PRKN: variants seen among roughly 807,000 people sequenced by gnomAD.
PRKN encodes E3 ubiquitin-protein ligase parkin.
PRKN carries 56 observed loss-of-function variants against 59.5 expected under a neutral mutation model. The ratio of observed to expected loss-of-function variants is 0.94; its 90% CI spans 0.76 to 1.18. The LOEUF (loss-of-function observed/expected upper bound fraction) is 1.18, where lower values mean the gene tolerates loss of function less well. Among genes scored for constraint, PRKN ranks in the 50% most tolerant of loss-of-function variants. The pLI is 0.00. For synonymous variants in PRKN, 250 were observed against 222.1 expected, an observed-to-expected ratio of 1.13 and a Z score of -1.12; for missense variants, 657 against 596.4, an observed-to-expected ratio of 1.10 and a Z score of -1.06.
intron 1 of PRKN, among the ~76,000 whole-genome samples, chr6:162,705,009 C>T (rs1778288450): frequency 6.6e-6 from 1 of 152,046 alleles, no homozygotes; most frequent in South Asian, 2.1e-4. Context: ...TTATATATTA[C>T]TTCGTAGGTA....
chr6:161,747,966 G>A (rs1489229966), intron 7 of PRKN, among the ~76,000 whole-genome samples: 1 of 152,144 alleles, frequency 6.6e-6, no homozygotes, highest in Non-Finnish European at 1.5e-5. Context: ...GGATTATGTG[G>A]ATTTATTTTT....
At position 162,611,282 on chromosome 6, in the gene PRKN, T is replaced by C. The variant is rs1050310814; in HGVS notation, c.7+116380A>G. On this transcript the variant is annotated intron_variant, in intron 1 of 11. Coordinates refer to ENST00000366898, the MANE Select transcript of PRKN (RefSeq NM_004562.3). ...TGAATGGATAAATTAAAGTAGCTTA[T>C]TGCTTTTCAAATATTTGGATGATAG... 7.2e-5 allele frequency among the ~76,000 whole-genome samples: 11 copies of C among 152,356 alleles called. No homozygotes were observed. The South Asian group carries it at 2.3e-3, about 32-fold the overall frequency.
intron 4 of PRKN, among the ~76,000 whole-genome samples, chr6:162,179,966 TA>T (rs1562562902): frequency 3.7e-5 from 4 of 108,062 alleles, no homozygotes; most frequent in Non-Finnish European, 5.5e-5. Context: ...GTTATCTTAT[TA>T]CTGTGTGTGT....
intron 5 of PRKN, among the ~76,000 whole-genome samples, chr6:162,034,707 A>T (rs1468677232): frequency 1.3e-5 from 2 of 152,224 alleles, no homozygotes; most frequent in African/African-American, 4.8e-5. Context: ...ACTTCATTCC[A>T]ATTGAAACCT....
intron 6 of PRKN, among the ~76,000 whole-genome samples, chr6:161,929,847 C>T (rs1477442191): frequency 6.6e-6 from 1 of 152,046 alleles, no homozygotes; most frequent in Non-Finnish European, 1.5e-5. Flanking sequence ...CAAAACACTT[C>T]CTAAAATTAT....
intron 1 of PRKN, among the ~76,000 whole-genome samples, chr6:162,658,625 C>A (rs1778749122): frequency 7.9e-6 from 1 of 126,344 alleles, no homozygotes; most frequent in Non-Finnish European, 1.6e-5. Context: ...AGTGCCATTG[C>A]ACTACAGCCT....
At chr6:162,061,321 T>TA (rs1456822121) in intron 4 of PRKN, among the ~76,000 whole-genome samples, 9 of 152,234 alleles carry the variant, frequency 5.9e-5, no homozygotes, top group Non-Finnish European at 8.8e-5. Context: ...CATAGAGAGT[T>TA]AAAAAAATGG....
intron 4 of PRKN, among the ~76,000 whole-genome samples, chr6:162,139,294 T>C (rs190710395): frequency 1.3e-5 from 2 of 152,338 alleles, no homozygotes; most frequent in Non-Finnish European, 2.9e-5. Flanking sequence ...TATCACCATC[T>C]TAAGTCCTTG....
chr6:162,286,669 G>A (rs1781207156), intron 2 of PRKN, among the ~76,000 whole-genome samples: 1 of 152,194 alleles, frequency 6.6e-6, no homozygotes, highest in Admixed American at 6.5e-5. Context: ...CTTTGAGAAA[G>A]ACCATGATAA....
chr6:161,608,968 C>A (rs960600006), intron 7 of PRKN, among the ~76,000 whole-genome samples: 1 of 152,164 alleles, frequency 6.6e-6, no homozygotes, highest in African/African-American at 2.4e-5. Context: ...ATTGCCTGCA[C>A]ATGCCCGTCA....
chr6:162,219,899 G>C (rs1307871034), intron 3 of PRKN, among the ~76,000 whole-genome samples: 3 of 152,104 alleles, frequency 2.0e-5, no homozygotes, highest in African/African-American at 7.2e-5. Context: ...TTGGCTCCAA[G>C]ACCTCCTATG....
At chr6:162,213,814 C>T (rs1583209156) in intron 3 of PRKN, among the ~76,000 whole-genome samples, 2 of 40,922 alleles carry the variant, frequency 4.9e-5, no homozygotes, top group East Asian at 0.014. Context: ...TACACACACA[C>T]ACACACACAC....
In PRKN at chr6:161,357,048, C is replaced by CTTTTT. The variant is rs35219002; in HGVS notation, c.1285+3035_1285+3039dup. ...CAGGTCCAGGTTCGCTGACCACTTCCTTTTTTTTTTTTTTTTTTTTTGAGA... is the reference window on the plus strand; with the variant it reads ...CAGGTCCAGGTTCGCTGACCACTTCCTTTTTTTTTTTTTTTTTTTTTTTTTTGAGA... On this transcript the variant is annotated intron_variant, in intron 11 of 11. Transcript: ENST00000366898. The surrounding 1 kb of genome is among the most constrained non-coding windows in gnomAD (Gnocchi z 5.5). Among the ~76,000 whole-genome samples the CTTTTT allele has an allele frequency of 5.2e-5, 6 of 115,592 alleles. No homozygotes were observed. The highest frequency in any genetic ancestry group is 1.4e-4 in the African/African-American group (4 of 29,016). 75.8% of individuals were successfully genotyped at this position (115,592 alleles called of 152,430 possible).
At chr6:162,097,359 G>A (rs545159187) in intron 4 of PRKN, among the ~76,000 whole-genome samples, 11 of 152,244 alleles carry the variant, frequency 7.2e-5, no homozygotes, top group Non-Finnish European at 1.2e-4. Context: ...TCATCCACAT[G>A]AGCTGTCCCA....
rs1554253070 is a variant in PRKN at position 161,946,451 on chromosome 6, C to CTCTCTCTCTCTCT, written c.734+26850_734+26851insAGAGAGAGAGAGA. Among the ~76,000 whole-genome samples the CTCTCTCTCTCTCT allele has an allele frequency of 2.2e-3, 298 of 136,576 alleles. 3 individuals carry two copies. The highest frequency in any genetic ancestry group is 7.6e-3 in the African/African-American group (286 of 37,696). 89.6% of individuals were successfully genotyped at this position (136,576 alleles called of 152,430 possible). Reference sequence around the variant, plus strand: ...TCTCTCTCTCTCTCTCTCTCTCTCTCAATACAAAAGAGACAGCGCTAACCC... The same window carrying CTCTCTCTCTCTCT: ...TCTCTCTCTCTCTCTCTCTCTCTCTCTCTCTCTCTCTCTAATACAAAAGAGACAGCGCTAACCC... On this transcript the variant is annotated intron_variant, in intron 6 of 11. Coordinates refer to ENST00000366898, the MANE Select transcript of PRKN (RefSeq NM_004562.3).
At chr6:162,398,744 T>C (rs1003017434) in intron 2 of PRKN, among the ~76,000 whole-genome samples, 17 of 152,206 alleles carry the variant, frequency 1.1e-4, no homozygotes, top group Admixed American at 8.5e-4. Context: ...GGGAAACAAA[T>C]ATGCAAATCT....
At chr6:162,444,662 T>C (rs577755664) in intron 1 of PRKN, among the ~76,000 whole-genome samples, 1 of 152,148 alleles carries the variant, frequency 6.6e-6, no homozygotes, top group Non-Finnish European at 1.5e-5. Flanking sequence ...ATCTTCCTTA[T>C]TCAGGGCACC....
intron 3 of PRKN, among the ~76,000 whole-genome samples, chr6:162,208,986 A>G (rs911591951): frequency 1.3e-5 from 2 of 152,218 alleles, no homozygotes; most frequent in African/African-American, 2.4e-5. Context: ...ACCTAAAACC[A>G]TAAAAACCCT....
At chr6:162,466,882 G>A (rs1451543464) in intron 1 of PRKN, among the ~76,000 whole-genome samples, 1 of 151,864 alleles carries the variant, frequency 6.6e-6, no homozygotes, top group East Asian at 1.9e-4. Context: ...CTAAGAGCAC[G>A]TTTATGGATA....
Sources: allele counts gnomAD v4.1 joint callset (sites outside exome capture counted in the v4.1 genomes callset), GRCh38; gene constraint gnomAD v4.1.1; non-coding constraint Gnocchi (gnomAD v3.1); transcripts MANE v1.5; gene names NCBI Gene and HGNC (gene_info 2026-07-23, HGNC 2026-07-21).